The following GLCCI1 variants were observed in gnomAD, a reference collection of about 807,000 sequenced individuals.
GLCCI1 encodes glucocorticoid-induced transcript 1 protein.
In GLCCI1, 24 loss-of-function variants were observed where a neutral mutation model predicts 52.2. The observed-to-expected ratio is 0.46, with a 90% CI of 0.33 to 0.65. The LOEUF is 0.65. Among genes scored for constraint, GLCCI1 ranks in the 30% least tolerant of loss-of-function variants. The pLI, the probability that GLCCI1 is intolerant of heterozygous loss-of-function variation, is 0.02. For synonymous variants in GLCCI1, 310 were observed against 276.5 expected (o/e 1.12, Z -1.20); for missense variants, 704 against 701.5 (o/e 1.00, Z -0.04).
chr7:7,984,935 A>G (rs1305318059), intron 1 of GLCCI1, among the ~76,000 whole-genome samples: 1 of 152,192 alleles, frequency 6.6e-6, no homozygotes, highest in African/African-American at 2.4e-5. Flanking sequence ...ATATCCCAAG[A>G]CTTTTTCTGG....
intron 5 of GLCCI1, among the ~76,000 whole-genome samples, chr7:8,068,281 C>T (rs1216633046): frequency 6.6e-6 from 1 of 152,024 alleles, no homozygotes; most frequent in East Asian, 1.9e-4. Context: ...ACCCAGGAGG[C>T]GGAGGTTGCA....
intron 1 of GLCCI1, among the ~76,000 whole-genome samples, chr7:7,996,321 T>G (rs962590757): frequency 2.0e-5 from 3 of 152,172 alleles, no homozygotes; most frequent in African/African-American, 7.2e-5. Flanking sequence ...CTCCTTCTAC[T>G]AATTACTACT....
chr7:8,055,934 A>C (rs1439589356), intron 4 of GLCCI1, among the ~76,000 whole-genome samples: 1 of 150,218 alleles, frequency 6.7e-6, no homozygotes. Flanking sequence ...CGGAGCTTGC[A>C]GTGAGCCAAG....
chr7:8,001,685 A>C (rs548757058), intron 1 of GLCCI1, among the ~76,000 whole-genome samples: 2 of 152,370 alleles, frequency 1.3e-5, no homozygotes, highest in East Asian at 3.9e-4. Flanking sequence ...TCACAATAGC[A>C]AAGACTTGGA....
At chr7:8,046,092 A>T (rs1331989474) in intron 3 of GLCCI1, among the ~76,000 whole-genome samples, 1 of 152,228 alleles carries the variant, frequency 6.6e-6, no homozygotes, top group Non-Finnish European at 1.5e-5. Context: ...AAATTTGATA[A>T]AATTAAATAA....
intron 3 of GLCCI1, among the ~76,000 whole-genome samples, chr7:8,030,439 A>G (rs947320836): frequency 6.6e-6 from 1 of 152,180 alleles, no homozygotes; most frequent in Non-Finnish European, 1.5e-5. Context: ...AAACTACTAC[A>G]AGAAACCATT....
At chr7:8,044,755 C>T (rs971924320) in intron 3 of GLCCI1, among the ~76,000 whole-genome samples, 1 of 152,148 alleles carries the variant, frequency 6.6e-6, no homozygotes, top group African/African-American at 2.4e-5. Flanking sequence ...AGTAAAAGCA[C>T]TTGTATATAA....
chr7:7,969,446 C>G lies in GLCCI1; in HGVS notation c.96C>G (p.Pro32=). The G allele has an allele frequency of 8.4e-7, 1 of 1,197,296 alleles. No individual in the cohort carries two copies. Among genetic ancestry groups the G allele is most frequent in the Non-Finnish European group, 1.0e-6 (1 of 963,208 alleles). 74.2% of individuals were successfully genotyped at this position (1,197,296 alleles called of 1,614,324 possible). The change falls in exon 1 of 8, where the codon CCC becomes CCG. Residue 32 remains proline (P), a synonymous_variant. Transcript: ENST00000223145. This position sits in a 1 kb window ranked among gnomAD's most constrained non-coding sequence, Gnocchi z 4.9. Reference sequence around the variant, plus strand: ...GGCGCAGCGCCGCGGGGTCCCCGCCCGCCGTCGCCGCCGCCGGGAGCGGGA... The same window carrying G: ...GGCGCAGCGCCGCGGGGTCCCCGCCGGCCGTCGCCGCCGCCGGGAGCGGGA... ...RMRRSAAGSP[P]AVAAAGSGNG...
chr7:8,065,304 T>TA (rs1425305732), intron 5 of GLCCI1, among the ~76,000 whole-genome samples: 59 of 152,328 alleles, frequency 3.9e-4, no homozygotes, highest in African/African-American at 1.3e-3. Context: ...AGCTTTTGGG[T>TA]AGAGACTATG....
chr7:8,065,935 C>A (rs1170308286), intron 5 of GLCCI1, among the ~76,000 whole-genome samples: 1 of 152,132 alleles, frequency 6.6e-6, no homozygotes, highest in Admixed American at 6.5e-5. Flanking sequence ...AAGGAGAAGT[C>A]CCTCCCCCTC....
At chr7:8,022,797 A>C (rs1035577303) in intron 3 of GLCCI1, 11 of 233,464 alleles carry the variant, frequency 4.7e-5, no homozygotes, top group Non-Finnish European at 9.0e-5. Flanking sequence ...AACAAGTCTA[A>C]ATTTACCCTA....
At chr7:8,058,831 A>G (rs1050988548) in intron 4 of GLCCI1, among the ~76,000 whole-genome samples, 2 of 152,212 alleles carry the variant, frequency 1.3e-5, no homozygotes, top group African/African-American at 4.8e-5. Context: ...TAACCTACTA[A>G]CAGCGTACTG....
chr7:7,970,591 C>G (rs184143515), intron 1 of GLCCI1: 1 of 152,574 alleles, frequency 6.6e-6, no homozygotes, highest in Non-Finnish European at 1.5e-5. Context: ...TTGAGCTGTT[C>G]AAGGATCTCA....
At chr7:7,996,950 C>T (rs1411035565) in intron 1 of GLCCI1, among the ~76,000 whole-genome samples, 2 of 152,196 alleles carry the variant, frequency 1.3e-5, no homozygotes, top group African/African-American at 4.8e-5. Flanking sequence ...TGTGTCCTTC[C>T]TGTCACTTAT....
At chr7:8,011,790 CTTG>C (rs144020176) in intron 2 of GLCCI1, among the ~76,000 whole-genome samples, 4,938 of 150,472 alleles carry the variant, frequency 0.033, 231 homozygotes, top group African/African-American at 0.11. Context: ...GTTGTTTTTT[CTTG>C]TTGTTGTTGT....
At chr7:8,084,296 C>A (rs571218933) in intron 6 of GLCCI1, among the ~76,000 whole-genome samples, 50 of 152,274 alleles carry the variant, frequency 3.3e-4, no homozygotes, top group African/African-American at 1.2e-3. Flanking sequence ...AGCAAAAATA[C>A]AAATTCTGCT....
chr7:7,995,176 A>C (rs933326263), intron 1 of GLCCI1, among the ~76,000 whole-genome samples: 3 of 152,224 alleles, frequency 2.0e-5, no homozygotes, highest in African/African-American at 7.2e-5. Context: ...TTTTGAGGGA[A>C]AATGCTTTTT....
intron 3 of GLCCI1, among the ~76,000 whole-genome samples, chr7:8,036,921 T>C (rs1010757471): frequency 6.6e-6 from 1 of 152,086 alleles, no homozygotes; most frequent in Non-Finnish European, 1.5e-5. Context: ...AACCTTGTCA[T>C]AGGGAGAAGG....
intron 2 of GLCCI1, among the ~76,000 whole-genome samples, chr7:8,021,383 G>A (rs527251516): frequency 3.3e-5 from 5 of 152,078 alleles, no homozygotes; most frequent in Non-Finnish European, 7.4e-5. Flanking sequence ...GTCTTCTCAT[G>A]TATTAAAGAT....
Sources: gnomAD v4.1 joint callset for allele counts (sites outside exome capture counted in the v4.1 genomes callset) on GRCh38, gnomAD v4.1.1 for gene constraint, Gnocchi (gnomAD v3.1) non-coding constraint, MANE v1.5 for transcripts, NCBI Gene and HGNC (gene_info 2026-07-23, HGNC 2026-07-21) for gene names.